The following COL25A1 variants were observed in gnomAD, a reference collection of about 807,000 sequenced individuals.
The protein encoded by COL25A1 is collagen type XXV alpha 1 chain.
Under a neutral mutation model 128.4 loss-of-function variants are expected in COL25A1, and 103 were observed. The observed-to-expected ratio is 0.80, with a 90% confidence interval of 0.68 to 0.94. The LOEUF is 0.94. Among genes scored for constraint, COL25A1 ranks in the 40% least tolerant of loss-of-function variants. COL25A1 has a pLI of 0.00. For missense variants in COL25A1, 745 were observed against 840.0 expected, an observed-to-expected ratio of 0.89 and a Z score of 1.40; for synonymous variants, 279 against 277.2, an observed-to-expected ratio of 1.01 and a Z score of -0.06.
At chr4:108,923,222 G>T (rs1745670529) in intron 11 of COL25A1, among the ~76,000 whole-genome samples, 1 of 152,122 alleles carries the variant, frequency 6.6e-6, no homozygotes, top group South Asian at 2.1e-4. Flanking sequence ...TAAAATTAGG[G>T]TATGTTGCTA....
At chr4:109,057,863 T>A (rs1028834680) in intron 3 of COL25A1, among the ~76,000 whole-genome samples, 4 of 152,162 alleles carry the variant, frequency 2.6e-5, no homozygotes, top group Admixed American at 6.5e-5. Context: ...TTGCTATTTA[T>A]TAATTTTATA....
intron 26 of COL25A1, among the ~76,000 whole-genome samples, chr4:108,849,905 C>A (rs1364591738): frequency 1.3e-5 from 2 of 151,924 alleles, no homozygotes; most frequent in East Asian, 3.9e-4. Context: ...TTAAGGAAGG[C>A]ATGATCTTGT....
At chr4:108,827,278 A>G in intron 32 of COL25A1, 90 bp from the exon 33 acceptor site, 1 of 1,099,384 alleles carries the variant, frequency 9.1e-7, no homozygotes, top group Non-Finnish European at 1.4e-6. Context: ...CCTCTATTTC[A>G]AGGACCATTC....
chr4:108,991,815 A>G (rs1021843076), intron 6 of COL25A1, among the ~76,000 whole-genome samples: 1 of 152,206 alleles, frequency 6.6e-6, no homozygotes, highest in Non-Finnish European at 1.5e-5. Context: ...CTAAAGTGTT[A>G]GGTTAGAAAG....
intron 3 of COL25A1, among the ~76,000 whole-genome samples, chr4:109,209,889 A>G (rs1374421841): frequency 6.6e-6 from 1 of 151,926 alleles, no homozygotes. Context: ...CCCATCAACT[A>G]AAAATAGAAA....
At chr4:109,290,743 T>C (rs1367716987) in intron 3 of COL25A1, among the ~76,000 whole-genome samples, 1 of 152,110 alleles carries the variant, frequency 6.6e-6, no homozygotes, top group Non-Finnish European at 1.5e-5. Context: ...CACATTAACA[T>C]TAATGATAGC....
intron 3 of COL25A1, among the ~76,000 whole-genome samples, chr4:109,214,912 T>C (rs1183765167): frequency 6.6e-6 from 1 of 152,162 alleles, no homozygotes; most frequent in African/African-American, 2.4e-5. Flanking sequence ...AGTCTGGTGC[T>C]CAGACTAGCA....
chr4:109,254,269 T>A (rs1780891876), intron 3 of COL25A1, among the ~76,000 whole-genome samples: 1 of 151,114 alleles, frequency 6.6e-6, no homozygotes, highest in African/African-American at 2.4e-5. Flanking sequence ...AATTTGATTC[T>A]CAAAGCAATC....
At chr4:108,920,527 T>C in intron 12 of COL25A1, 51 bp downstream of exon 12, 1 of 1,427,090 alleles carries the variant, frequency 7.0e-7, no homozygotes, top group Non-Finnish European at 9.7e-7. Flanking sequence ...CTGCTTGCCA[T>C]TAGGTCATGA....
intron 3 of COL25A1, among the ~76,000 whole-genome samples, chr4:109,191,696 T>TTA (rs1775636409): frequency 6.6e-6 from 1 of 152,212 alleles, no homozygotes; most frequent in South Asian, 2.1e-4. Context: ...TGAGAAGCAC[T>TTA]TATATATATA....
chr4:109,295,874 GTA>G (rs1157294313), intron 3 of COL25A1, among the ~76,000 whole-genome samples: 1 of 152,042 alleles, frequency 6.6e-6, no homozygotes, highest in Non-Finnish European at 1.5e-5. Flanking sequence ...GACTTGGAAT[GTA>G]TAGAGAGACC....
intron 26 of COL25A1, among the ~76,000 whole-genome samples, chr4:108,851,083 A>G (rs184927799): frequency 9.2e-4 from 140 of 152,222 alleles, no homozygotes; most frequent in African/African-American, 3.4e-3. Flanking sequence ...TACACAAAGG[A>G]AAAAAAGAAA....
intron 35 of COL25A1, among the ~76,000 whole-genome samples, chr4:108,821,363 T>C (rs988056643): frequency 1.3e-5 from 2 of 152,174 alleles, no homozygotes; most frequent in African/African-American, 4.8e-5. Context: ...GGAAGTAAGA[T>C]GGGAAGAACA....
At chr4:109,063,857 TAGATAGAGTAGTA>T (rs1762193544) in intron 3 of COL25A1, among the ~76,000 whole-genome samples, 1 of 152,096 alleles carries the variant, frequency 6.6e-6, no homozygotes, top group Non-Finnish European at 1.5e-5. Context: ...GAATCAAATA[TAGATAGAGTAGTA>T]AGATAATGGC....
intron 8 of COL25A1, among the ~76,000 whole-genome samples, chr4:108,957,614 T>C (rs902009429): frequency 2.0e-5 from 3 of 152,234 alleles, no homozygotes; most frequent in Admixed American, 6.6e-5. Context: ...TTTTGTAATC[T>C]TAGAACTGTC....
At chr4:108,832,354 G>A in intron 32 of COL25A1, 26 bp downstream of exon 32, 1 of 1,575,430 alleles carries the variant, frequency 6.3e-7, no homozygotes, top group Non-Finnish European at 8.7e-7. Flanking sequence ...TTTAGTACAA[G>A]CTTAATAACC....
At chr4:108,874,726 G>A (rs184800712) in intron 19 of COL25A1, among the ~76,000 whole-genome samples, 1 of 152,108 alleles carries the variant, frequency 6.6e-6, no homozygotes, top group Non-Finnish European at 1.5e-5. Flanking sequence ...TTCTGTTAGT[G>A]CATTTTAAAG....
At chr4:109,129,217 C>T (rs1313492661) in intron 3 of COL25A1, among the ~76,000 whole-genome samples, 3 of 152,030 alleles carry the variant, frequency 2.0e-5, no homozygotes, top group Non-Finnish European at 4.4e-5. Context: ...GTAACCTCCA[C>T]CTTCCAGGTT....
chr4:109,292,196 T>A (rs1434142183), intron 3 of COL25A1, among the ~76,000 whole-genome samples: 1 of 152,050 alleles, frequency 6.6e-6, no homozygotes, highest in African/African-American at 2.4e-5. Context: ...CCTGCTCTAG[T>A]CTCTGAGGTC....
Sources: allele counts gnomAD v4.1 joint callset (sites outside exome capture counted in the v4.1 genomes callset), GRCh38; gene constraint gnomAD v4.1.1; transcripts MANE v1.5; gene names NCBI Gene and HGNC (gene_info 2026-07-23, HGNC 2026-07-21).